KIAA1217: variants seen among roughly 807,000 people sequenced by gnomAD.
KIAA1217 encodes sickle tail protein homolog.
A neutral mutation model predicts 163.9 loss-of-function variants in KIAA1217; 88 were observed. The observed-to-expected ratio is 0.54, with a 90% CI of 0.45 to 0.64. The LOEUF (loss-of-function observed/expected upper bound fraction) is 0.64. KIAA1217 is among the 30% of genes least tolerant of loss of function. KIAA1217 has a pLI of 0.00. For synonymous variants in KIAA1217, 903 were observed against 923.1 expected, an observed-to-expected ratio of 0.98 and a Z score of 0.39; for missense variants, 2,372 against 2,475.0, an observed-to-expected ratio of 0.96 and a Z score of 0.88.
chr10:23,785,433 A>G (rs1835448402), intron 1 of KIAA1217, among the ~76,000 whole-genome samples: 1 of 152,182 alleles, frequency 6.6e-6, no homozygotes, highest in Non-Finnish European at 1.5e-5. Flanking sequence ...TATAATTAGG[A>G]ACATGCTTGA....
chr10:24,230,686 AT>A (rs1200221027), intron 2 of KIAA1217, among the ~76,000 whole-genome samples: 1 of 151,626 alleles, frequency 6.6e-6, no homozygotes, highest in Non-Finnish European at 1.5e-5. Context: ...TAACTTTTGC[AT>A]TTTTGGCTAA....
At position 23,788,198 on chromosome 10, in the gene KIAA1217, T is replaced by C. The variant is rs578048737; in HGVS notation, c.-321+92964T>C. Among the ~76,000 whole-genome samples the C allele has an allele frequency of 7.4e-4, 113 of 152,272 alleles. 1 individual carries two copies. Among genetic ancestry groups the C allele is most frequent in the Admixed American group, 6.8e-3 (104 of 15,294 alleles). On this transcript the variant is annotated intron_variant, in intron 1 of 18. Coordinates refer to the KIAA1217 transcript ENST00000376462. ...GAGCAACAGGGCAAGACCCTGTTTC[T>C]GGAAAGGAAAGAAAAATAACAAAAA...
chr10:23,871,123 T>C (rs1360489926), intron 1 of KIAA1217, among the ~76,000 whole-genome samples: 1 of 151,938 alleles, frequency 6.6e-6, no homozygotes, highest in African/African-American at 2.4e-5. Flanking sequence ...ACTCCCAGAG[T>C]TGTTTTTCTG....
At chr10:23,744,043 AC>A (rs1839267979) in intron 1 of KIAA1217, among the ~76,000 whole-genome samples, 2 of 152,198 alleles carry the variant, frequency 1.3e-5, no homozygotes, top group South Asian at 4.1e-4. Flanking sequence ...GTGGAAGAAC[AC>A]ATCCCACGTA....
At chr10:23,916,442 C>G (rs991499915) in intron 1 of KIAA1217, among the ~76,000 whole-genome samples, 3 of 152,202 alleles carry the variant, frequency 2.0e-5, no homozygotes, top group Admixed American at 1.3e-4. Context: ...CTCTTCCTTC[C>G]TGGTGCATTC....
chr10:24,511,976 C>T (rs2069243564), intron 9 of KIAA1217, among the ~76,000 whole-genome samples: 1 of 152,020 alleles, frequency 6.6e-6, no homozygotes, highest in Non-Finnish European at 1.5e-5. Flanking sequence ...TTTGGATAGA[C>T]ACAGAGGTGA....
intron 2 of KIAA1217, among the ~76,000 whole-genome samples, chr10:24,014,919 A>G (rs1847405512): frequency 6.6e-6 from 1 of 152,142 alleles, no homozygotes; most frequent in Admixed American, 6.5e-5. Flanking sequence ...AATACAGCAC[A>G]TGGAACAAAA....
chr10:24,183,462 G>GA (rs1024461644), intron 2 of KIAA1217, among the ~76,000 whole-genome samples: 6 of 152,010 alleles, frequency 3.9e-5, no homozygotes, highest in Admixed American at 2.6e-4. Context: ...AGAGAATAAT[G>GA]AAAAAAAGAC....
intron 1 of KIAA1217, among the ~76,000 whole-genome samples, chr10:23,987,801 T>C (rs1266297521): frequency 2.6e-5 from 4 of 152,174 alleles, no homozygotes; most frequent in Non-Finnish European, 5.9e-5. Context: ...GCTCCTCTCA[T>C]CTTATTGTTT....
At chr10:24,307,612 CAAAAAAA>C (rs138090288) in intron 2 of KIAA1217, among the ~76,000 whole-genome samples, 1 of 117,808 alleles carries the variant, frequency 8.5e-6, no homozygotes, top group East Asian at 2.3e-4. Flanking sequence ...CCCATCTCTC[CAAAAAAA>C]AAAAAAAAAA....
chr10:24,507,517 T>C (rs1386698226), intron 9 of KIAA1217, among the ~76,000 whole-genome samples: 1 of 152,166 alleles, frequency 6.6e-6, no homozygotes, highest in Non-Finnish European at 1.5e-5. Context: ...AATATCCAAA[T>C]GTGCTTAACA....
At chr10:24,515,413 A>C (rs768027245) in intron 10 of KIAA1217, among the ~76,000 whole-genome samples, 2 of 152,222 alleles carry the variant, frequency 1.3e-5, no homozygotes, top group African/African-American at 2.4e-5. Flanking sequence ...GTTAGCTGAG[A>C]TAATTCTCAC....
intron 1 of KIAA1217, among the ~76,000 whole-genome samples, chr10:23,872,447 A>G (rs1035919758): frequency 3.3e-5 from 5 of 152,112 alleles, no homozygotes; most frequent in African/African-American, 1.2e-4. Context: ...TGCTGTTTGC[A>G]TCTTGAGGAC....
At chr10:24,263,137 A>G (rs2131763313) in intron 2 of KIAA1217, among the ~76,000 whole-genome samples, 1 of 152,266 alleles carries the variant, frequency 6.6e-6, no homozygotes, top group African/African-American at 2.4e-5. Context: ...TTGGGCTGAT[A>G]CCAGAGAGTG....
At chr10:24,079,871 G>A (rs937126177) in intron 2 of KIAA1217, among the ~76,000 whole-genome samples, 1 of 152,192 alleles carries the variant, frequency 6.6e-6, no homozygotes, top group East Asian at 1.9e-4. Flanking sequence ...CTGGATCTGA[G>A]AGGCACTGGG....
intron 8 of KIAA1217, among the ~76,000 whole-genome samples, chr10:24,499,710 C>T (rs573829109): frequency 9.2e-5 from 14 of 152,016 alleles, no homozygotes; most frequent in African/African-American, 3.4e-4. Flanking sequence ...CCAGCCTGGA[C>T]AAGACAGAGC....
At chr10:24,372,594 A>G (rs59575881) in intron 2 of KIAA1217, among the ~76,000 whole-genome samples, 24,567 of 152,128 alleles carry the variant, frequency 0.16, 2,281 homozygotes, top group South Asian at 0.3. Flanking sequence ...GCATTTTGCA[A>G]TATACCCATG....
At chr10:24,240,855 CTTT>C in intron 2 of KIAA1217, among the ~76,000 whole-genome samples, 1 of 146,840 alleles carries the variant, frequency 6.8e-6, no homozygotes, top group South Asian at 2.2e-4. Flanking sequence ...GGCTAGTAGT[CTTT>C]TTTTTTTTAA....
At chr10:24,427,273 G>A (rs1459819138) in intron 3 of KIAA1217, among the ~76,000 whole-genome samples, 1 of 151,968 alleles carries the variant, frequency 6.6e-6, no homozygotes, top group Non-Finnish European at 1.5e-5. Context: ...TTCGGTTGAG[G>A]TAAAGACGGG....
Sources: allele counts gnomAD v4.1 joint callset (sites outside exome capture counted in the v4.1 genomes callset), GRCh38; gene constraint gnomAD v4.1.1; transcripts MANE v1.5; gene names NCBI Gene and HGNC (gene_info 2026-07-23, HGNC 2026-07-21).